Variants in APCDD1L observed in about 807,000 individuals in gnomAD.
APCDD1L encodes the protein APC down-regulated 1 like, also known as protein APCDD1-like.
A neutral mutation model predicts 24.2 loss-of-function variants in APCDD1L; 21 were observed. The observed-to-expected ratio is 0.87, with a 90% CI of 0.61 to 1.25. The LOEUF (loss-of-function observed/expected upper bound fraction) is 1.25. Ranked by LOEUF, APCDD1L falls within the 50% of genes most tolerant of loss-of-function variation. The pLI, the probability that APCDD1L is intolerant of heterozygous loss-of-function variation, is 0.00. For missense variants in APCDD1L, 704 were observed against 711.7 expected (o/e 0.99, Z 0.12); for synonymous variants, 321 against 323.6 (o/e 0.99, Z 0.09).
In APCDD1L at chr20:58,494,263, C is replaced by CT. The variant is rs1990277498; in HGVS notation, c.49+20395dup. Among the ~76,000 whole-genome samples, 1 of 149,248 alleles carries CT rather than the reference C, an allele frequency of 6.7e-6. No homozygotes were observed. Among genetic ancestry groups the CT allele is most frequent in the African/African-American group, 2.5e-5 (1 of 40,376 alleles). Reference sequence around the variant, plus strand: ...TGTGGTTTAAGGGTCAACTGCATTTCTTTTTTCTTTTCTTTTCTTTTCTTA... The same window carrying CT: ...TGTGGTTTAAGGGTCAACTGCATTTCTTTTTTTCTTTTCTTTTCTTTTCTTA... On this transcript the variant is annotated intron_variant, in intron 1 of 3. Coordinates refer to ENST00000371149, the MANE Select transcript of APCDD1L (RefSeq NM_153360.3). The surrounding 1 kb of genome is among the most constrained non-coding windows in gnomAD (Gnocchi z 4.8).
chr20:58,461,073 T>C lies in APCDD1L; in HGVS notation c.1223A>G (p.His408Arg), dbSNP rs768821612. 4 of 1,613,938 alleles carry C rather than the reference T, an allele frequency of 2.5e-6. No individual in the cohort carries two copies. The highest frequency in any genetic ancestry group is 2.7e-5 in the African/African-American group (2 of 74,878). The change falls in exon 4 of 4, where the codon CAT (histidine) becomes CGT (arginine). Residue 408 changes from histidine to arginine, a missense_variant. By Grantham distance (29) the His-to-Arg change is conservative. Transcript: ENST00000371149. The surrounding 1 kb of genome is among the most constrained non-coding windows in gnomAD (Gnocchi z 6.0). ...GCLPLGIRLP[H>R]VEYELFKMEQ... ...CATCTTGAAAAGCTCGTACTCCACA[T>C]GCGGGAGCCGGATGCCCAGCGGTAG... is the stretch of plus-strand genomic sequence containing the variant.
rs750909228 is a variant in APCDD1L, at chr20:58,461,155, C to T, written c.1141G>A (p.Gly381Ser). The T allele has an allele frequency of 2.5e-6, 4 of 1,612,864 alleles. No individual in the cohort carries two copies. The South Asian group carries it at 3.3e-5, about 13-fold the overall frequency. The change falls in exon 4 of 4, where the codon GGT (glycine) becomes AGT (serine). Residue 381 changes from glycine to serine, a missense_variant. Transcript: ENST00000371149. The surrounding 1 kb of genome is among the most constrained non-coding windows in gnomAD (Gnocchi z 6.0). The part of the protein sequence containing the change: ...LNFSEPSSCG[G>S]AGAWSMGTER... ...GTGCCCATGGACCAGGCCCCCGCAC[C>T]CCCACAGCTGCTTGGCTCAGAGAAG... is the stretch of plus-strand genomic sequence containing the variant.
At chr20:58,486,866 T>TTTTTTG in intron 1 of APCDD1L, among the ~76,000 whole-genome samples, 1 of 132,264 alleles carries the variant, frequency 7.6e-6, no homozygotes, top group Non-Finnish European at 1.6e-5. Flanking sequence ...TTTTTTTTTT[T>TTTTTTG]TTTTTTTTTT....
rs1376971066 is a variant in APCDD1L, at chr20:58,467,322, C to T, written c.525G>A (p.Glu175=). 1.3e-6 allele frequency: 2 copies of T among 1,515,106 alleles called. No homozygotes were observed. Among genetic ancestry groups the T allele is most frequent in the Middle Eastern group, 2.0e-4 (1 of 5,026 alleles). 93.9% of individuals were successfully genotyped at this position (1,515,106 alleles called of 1,614,324 possible). ...CCCCCTGAGCCCGGGCGCTCCGCAG[C>T]TCGTACAGCGCCCCAGGCAGCCAGG... ...ARAWLPGALY[E]LRSARAQGDC... Residue 175 remains glutamate, a synonymous_variant, in exon 3 of 4, where the codon GAG becomes GAA. Transcript: ENST00000371149. The surrounding 1 kb of genome is among the most constrained non-coding windows in gnomAD (Gnocchi z 5.9).
chr20:58,494,309 T>G lies in APCDD1L; in HGVS notation c.49+20350A>C, dbSNP rs1287186628. 6.7e-6 allele frequency among the ~76,000 whole-genome samples: 1 copy of G among 149,518 alleles called. No individual in the cohort carries two copies. The highest frequency in any genetic ancestry group is 1.5e-5 in the Non-Finnish European group (1 of 67,592). On this transcript the variant is annotated intron_variant, in intron 1 of 3. Coordinates refer to ENST00000371149, the MANE Select transcript of APCDD1L (RefSeq NM_153360.3). The surrounding 1 kb of genome is among the most constrained non-coding windows in gnomAD (Gnocchi z 4.8). ...TCTTACTTTTCTTTTCTCTTCTCTCTTCTCTTCTCTTCTTTTCCTTTCCTT... is the reference window on the plus strand; with the variant it reads ...TCTTACTTTTCTTTTCTCTTCTCTCGTCTCTTCTCTTCTTTTCCTTTCCTT...
At chr20:58,470,210 A>T (rs1379829318) in intron 2 of APCDD1L, among the ~76,000 whole-genome samples, 1 of 151,846 alleles carries the variant, frequency 6.6e-6, no homozygotes, top group African/African-American at 2.4e-5. Flanking sequence ...TCCCCTGATC[A>T]CTCTCTAAAG....
In APCDD1L at chr20:58,497,571, A is replaced by G. The variant is rs1990349827; in HGVS notation, c.49+17088T>C. Among the ~76,000 whole-genome samples, 2 of 151,936 alleles carry G rather than the reference A, an allele frequency of 1.3e-5. No individual in the cohort carries two copies. The stretch of plus-strand genomic sequence containing the variant: ...GGCCATCTTCTCCCTGCGTCTCTTC[A>G]CATCGTCTTCCTTCGACGCAGGTCT... On this transcript the variant is annotated intron_variant, in intron 1 of 3. Transcript: ENST00000371149. The surrounding 1 kb of genome is among the most constrained non-coding windows in gnomAD (Gnocchi z 4.3).
Position 58,468,242 on chromosome 20 carries a change from G to A in APCDD1L, c.189-584C>T, listed in dbSNP as rs147406064. Reference sequence around the variant, plus strand: ...GCAACTACTCAAAGTTGCCATTGTAGAGCTAATGCAGCTATAGATGATACG... The same window carrying A: ...GCAACTACTCAAAGTTGCCATTGTAAAGCTAATGCAGCTATAGATGATACG... On this transcript the variant is annotated intron_variant, in intron 2 of 3. Coordinates refer to ENST00000371149, the MANE Select transcript of APCDD1L (RefSeq NM_153360.3). Among the ~76,000 whole-genome samples the A allele has an allele frequency of 7.0e-3, 1,064 of 152,334 alleles. 5 individuals carry two copies. Among genetic ancestry groups the A allele is most frequent in the African/African-American group, 0.025 (1,023 of 41,566 alleles).
At chr20:58,483,201 A>T (rs1990056429) in intron 1 of APCDD1L, among the ~76,000 whole-genome samples, 2 of 152,044 alleles carry the variant, frequency 1.3e-5, no homozygotes, top group Non-Finnish European at 2.9e-5. Flanking sequence ...AGGAGGATGT[A>T]ATTAGTCCAT....
chr20:58,477,274 G>A (rs1377958291), intron 1 of APCDD1L, among the ~76,000 whole-genome samples: 1 of 152,148 alleles, frequency 6.6e-6, no homozygotes, highest in African/African-American at 2.4e-5. Flanking sequence ...CCAGCATCCA[G>A]TCCAGGATCC....
intron 1 of APCDD1L, among the ~76,000 whole-genome samples, chr20:58,501,947 CT>C (rs1291319577): frequency 6.6e-6 from 1 of 152,218 alleles, no homozygotes; most frequent in Non-Finnish European, 1.5e-5. Flanking sequence ...GCGCTGGCTC[CT>C]TTTCATCTCT....
intron 1 of APCDD1L, among the ~76,000 whole-genome samples, chr20:58,502,427 ATGTCCT>A (rs1990453277): frequency 6.6e-6 from 1 of 152,070 alleles, no homozygotes; most frequent in East Asian, 1.9e-4. Context: ...TCTAATCTGT[ATGTCCT>A]ACCTCTGCCC....
intron 1 of APCDD1L, among the ~76,000 whole-genome samples, chr20:58,509,676 C>A (rs77394007): frequency 6.6e-6 from 1 of 152,112 alleles, no homozygotes; most frequent in Non-Finnish European, 1.5e-5. Flanking sequence ...AGTGAGGGAC[C>A]AAAACAGCCA....
chr20:58,476,516 T>A (rs1233768855), intron 1 of APCDD1L, among the ~76,000 whole-genome samples: 3 of 152,238 alleles, frequency 2.0e-5, no homozygotes, highest in Non-Finnish European at 4.4e-5. Flanking sequence ...GCCTGTTGTA[T>A]GCCTGGAAAT....
chr20:58,475,165 G>A lies in APCDD1L; in HGVS notation c.50-4418C>T, dbSNP rs535590559. ...AGAAGAGGGTGGAGAAAAGATGTGA[G>A]TTTTGTAGTCAGAGCAGAGGGAGAA... On this transcript the variant is annotated intron_variant, in intron 1 of 3. Coordinates refer to ENST00000371149, the MANE Select transcript of APCDD1L (RefSeq NM_153360.3). Among the ~76,000 whole-genome samples the A allele has an allele frequency of 9.9e-4, 151 of 152,222 alleles. 1 individual carries two copies. The highest frequency in any genetic ancestry group is 1.8e-3 in the Non-Finnish European group (125 of 68,030).
chr20:58,480,059 C>T (rs376212020), intron 1 of APCDD1L, among the ~76,000 whole-genome samples: 1 of 152,334 alleles, frequency 6.6e-6, no homozygotes, highest in East Asian at 1.9e-4. Flanking sequence ...GTGTGAATGG[C>T]TGGTCCTCAG....
At chr20:58,476,113 T>C (rs781195648) in intron 1 of APCDD1L, among the ~76,000 whole-genome samples, 4 of 152,192 alleles carry the variant, frequency 2.6e-5, no homozygotes, top group Non-Finnish European at 5.9e-5. Context: ...ACAAGGGCCA[T>C]CCAAAATTGA....
At position 58,467,385 on chromosome 20, in the gene APCDD1L, G is replaced by T. The variant is rs1320114840; in HGVS notation, c.462C>A (p.Ala154=). The T allele has an allele frequency of 1.3e-6, 2 of 1,506,734 alleles. No homozygotes were observed. Among genetic ancestry groups the T allele is most frequent in the East Asian group, 5.4e-5 (2 of 37,208 alleles). 93.3% of individuals were successfully genotyped at this position (1,506,734 alleles called of 1,614,324 possible). Residue 154 remains alanine (A), a synonymous_variant, in exon 3 of 4, where the codon GCC becomes GCA. Coordinates refer to ENST00000371149, the MANE Select transcript of APCDD1L (RefSeq NM_153360.3). This position sits in a 1 kb window ranked among gnomAD's most constrained non-coding sequence, Gnocchi z 5.9. The part of the protein sequence containing the change: ...DVTGRLNQTR[A]GRDCARRLPP... Reference sequence around the variant, plus strand: ...GCAGCCGCCGCGCGCAGTCCCGGCCGGCGCGGGTCTGGTTGAGGCGCCCGG... The same window carrying T: ...GCAGCCGCCGCGCGCAGTCCCGGCCTGCGCGGGTCTGGTTGAGGCGCCCGG...
chr20:58,476,500 T>C (rs1179455904), intron 1 of APCDD1L, among the ~76,000 whole-genome samples: 2 of 152,238 alleles, frequency 1.3e-5, no homozygotes, highest in African/African-American at 2.4e-5. Flanking sequence ...CAAATACTTA[T>C]TGAATGCCTG....
Sources: gnomAD v4.1 joint callset for allele counts (sites outside exome capture counted in the v4.1 genomes callset) on GRCh38, gnomAD v4.1.1 for gene constraint, Gnocchi (gnomAD v3.1) non-coding constraint, MANE v1.5 for transcripts, NCBI Gene and HGNC (gene_info 2026-07-23, HGNC 2026-07-21) for gene names.